The following KIAA1328 variants were observed in gnomAD, a reference collection of about 807,000 sequenced individuals.
The protein encoded by KIAA1328 is KIAA1328, also known as protein hinderin.
A neutral mutation model predicts 68.1 loss-of-function variants in KIAA1328; 52 were observed. That is an observed-to-expected ratio of 0.76 (90% CI 0.61 to 0.96). The LOEUF (loss-of-function observed/expected upper bound fraction) is 0.96. Among genes scored for constraint, KIAA1328 ranks in the 40% least tolerant of loss-of-function variants. The probability of loss-of-function intolerance (pLI) is 0.00; values close to 1 mark genes in which losing one functional copy is unlikely to be tolerated. For synonymous variants in KIAA1328, 232 were observed against 239.4 expected (o/e 0.97, Z 0.28); for missense variants, 641 against 677.6 (o/e 0.95, Z 0.60).
At chr18:36,952,599 G>GC (rs2051207133) in intron 5 of KIAA1328, among the ~76,000 whole-genome samples, 2 of 152,154 alleles carry the variant, frequency 1.3e-5, no homozygotes. Flanking sequence ...TACGATTTGA[G>GC]CCAAGAATGT....
At chr18:36,936,774 C>A (rs143190671) in intron 5 of KIAA1328, among the ~76,000 whole-genome samples, 1 of 152,160 alleles carries the variant, frequency 6.6e-6, no homozygotes, top group Non-Finnish European at 1.5e-5. Context: ...TTGCCAACAT[C>A]TGTTGTTTCC....
intron 6 of KIAA1328, among the ~76,000 whole-genome samples, chr18:36,997,469 A>G (rs969499669): frequency 5.9e-5 from 9 of 152,108 alleles, no homozygotes; most frequent in Non-Finnish European, 5.9e-5. Context: ...AATCCTGGCT[A>G]TAGGAGAGCC....
intron 6 of KIAA1328, among the ~76,000 whole-genome samples, chr18:37,003,023 A>G (rs1194664442): frequency 6.6e-6 from 1 of 152,102 alleles, no homozygotes; most frequent in African/African-American, 2.4e-5. Flanking sequence ...AACCCAGATA[A>G]TAAGCCACTT....
chr18:36,892,092 A>T (rs1018350163), intron 5 of KIAA1328, among the ~76,000 whole-genome samples: 1 of 152,170 alleles, frequency 6.6e-6, no homozygotes, highest in Admixed American at 6.5e-5. Flanking sequence ...TCATCCCTGC[A>T]TAGGAGCCAG....
At chr18:36,946,313 A>G (rs1350103588) in intron 5 of KIAA1328, 1 of 152,226 alleles carries the variant, frequency 6.6e-6, no homozygotes, top group Non-Finnish European at 1.5e-5. Context: ...GGAGGAAGCA[A>G]AGGAGTCCAA....
At position 37,080,455 on chromosome 18, in the gene KIAA1328, C is replaced by G. The variant is rs2056911511; in HGVS notation, c.1232+12910C>G. On this transcript the variant is annotated intron_variant, in intron 7 of 9. Coordinates refer to ENST00000280020, the MANE Select transcript of KIAA1328 (RefSeq NM_020776.3). The stretch of plus-strand genomic sequence containing the variant: ...ATATATCCAAACCATCAGACAGTAC[C>G]CAGCTGTAACACTGGCCACCTTTAG... Among the ~76,000 whole-genome samples the G allele has an allele frequency of 2.0e-5, 3 of 152,082 alleles. No individual in the cohort carries two copies. The South Asian group carries it at 6.2e-4, about 32-fold the overall frequency.
At chr18:36,866,472 A>G (rs1418985262) in intron 4 of KIAA1328, among the ~76,000 whole-genome samples, 2 of 152,152 alleles carry the variant, frequency 1.3e-5, no homozygotes, top group East Asian at 3.9e-4. Flanking sequence ...ATAAATTTAA[A>G]AAAAAGGAGT....
chr18:37,193,726 C>A, intron 9 of KIAA1328: 1 of 644,386 alleles, frequency 1.6e-6, no homozygotes, highest in South Asian at 1.7e-5. Context: ...TAAATACTCA[C>A]TTGTGAGAAA....
chr18:36,955,659 T>C (rs1045326437), intron 5 of KIAA1328, among the ~76,000 whole-genome samples: 10 of 152,184 alleles, frequency 6.6e-5, no homozygotes, highest in Admixed American at 1.3e-4. Flanking sequence ...TTGAACACTT[T>C]CTTGCATTTT....
At chr18:36,905,777 A>G (rs1227953661) in intron 5 of KIAA1328, among the ~76,000 whole-genome samples, 1 of 152,146 alleles carries the variant, frequency 6.6e-6, no homozygotes, top group East Asian at 1.9e-4. Flanking sequence ...CATTATCATG[A>G]TGGCAGATGG....
chr18:36,968,117 GA>G (rs2052019619), intron 6 of KIAA1328, among the ~76,000 whole-genome samples: 4 of 152,064 alleles, frequency 2.6e-5, no homozygotes, highest in East Asian at 1.9e-4. Flanking sequence ...AAGAGCTCCT[GA>G]AAGAAGCACT....
intron 6 of KIAA1328, among the ~76,000 whole-genome samples, chr18:36,984,953 G>A (rs1228039641): frequency 1.3e-5 from 2 of 150,954 alleles, no homozygotes; most frequent in Admixed American, 6.7e-5. Context: ...GTGTTCATGA[G>A]GTTAAGGACA....
At chr18:36,968,099 T>C (rs764546226) in intron 6 of KIAA1328, among the ~76,000 whole-genome samples, 1 of 151,920 alleles carries the variant, frequency 6.6e-6, no homozygotes, top group South Asian at 2.1e-4. Flanking sequence ...CCACCAGACC[T>C]GCTTTACAAG....
At chr18:37,134,684 T>C (rs2058602602) in intron 7 of KIAA1328, among the ~76,000 whole-genome samples, 1 of 152,220 alleles carries the variant, frequency 6.6e-6, no homozygotes, top group African/African-American at 2.4e-5. Context: ...ATTGTGAAAA[T>C]ATTTTTTAAA....
intron 7 of KIAA1328, among the ~76,000 whole-genome samples, chr18:37,097,143 C>T (rs2057436312): frequency 6.6e-6 from 1 of 152,148 alleles, no homozygotes; most frequent in South Asian, 2.1e-4. Flanking sequence ...ACATGAAGTC[C>T]TTGCCCATGC....
intron 6 of KIAA1328, among the ~76,000 whole-genome samples, chr18:36,989,851 C>T (rs1025381301): frequency 2.0e-5 from 3 of 152,042 alleles, no homozygotes; most frequent in Non-Finnish European, 2.9e-5. Flanking sequence ...CCCGCCACCA[C>T]GCTCAGCTAA....
chr18:36,939,709 T>C (rs1598764600), intron 5 of KIAA1328, among the ~76,000 whole-genome samples: 2 of 152,166 alleles, frequency 1.3e-5, no homozygotes, highest in African/African-American at 4.8e-5. Context: ...CCATTGAGTA[T>C]AATGTCAGCT....
chr18:36,943,353 C>T (rs989274961), intron 5 of KIAA1328, among the ~76,000 whole-genome samples: 1 of 152,122 alleles, frequency 6.6e-6, no homozygotes, highest in South Asian at 2.1e-4. Context: ...GCATTGATAC[C>T]TGCTGATGCC....
At chr18:37,057,976 T>C (rs2055988254) in intron 6 of KIAA1328, among the ~76,000 whole-genome samples, 1 of 152,166 alleles carries the variant, frequency 6.6e-6, no homozygotes, top group Non-Finnish European at 1.5e-5. Context: ...GGTGAACGAA[T>C]TTACCAAGAT....
Sources: gnomAD v4.1 joint callset for allele counts (sites outside exome capture counted in the v4.1 genomes callset) on GRCh38, gnomAD v4.1.1 for gene constraint, MANE v1.5 for transcripts, NCBI Gene and HGNC (gene_info 2026-07-23, HGNC 2026-07-21) for gene names.